DIS3L2: variants seen among roughly 807,000 people sequenced by gnomAD.
DIS3L2 encodes DIS3 like 3'-5' exoribonuclease 2, also known as DIS3-like exonuclease 2.
DIS3L2 carries 34 observed loss-of-function variants against 97.5 expected under a neutral mutation model. That is an observed-to-expected ratio of 0.35 (90% CI 0.27 to 0.46). The LOEUF (loss-of-function observed/expected upper bound fraction) is 0.46. DIS3L2 is among the 20% of genes least tolerant of loss of function. DIS3L2 has a pLI of 1.00. For missense variants in DIS3L2, 1,038 were observed against 1,146.0 expected, an observed-to-expected ratio of 0.91 and a Z score of 1.36; for synonymous variants, 435 against 445.2, an observed-to-expected ratio of 0.98 and a Z score of 0.29.
intron 16 of DIS3L2, among the ~76,000 whole-genome samples, chr2:232,333,153 C>G (rs1169565568): frequency 2.6e-5 from 3 of 117,576 alleles, no homozygotes; most frequent in Non-Finnish European, 5.2e-5. Flanking sequence ...TCCACCACCT[C>G]CTCCTTCTCC....
Position 232,336,982 on chromosome 2 carries a change from G to A in DIS3L2, c.*352G>A. On this transcript the variant is annotated 3_prime_UTR_variant, in exon 21 of 21. Coordinates refer to ENST00000325385, the MANE Select transcript of DIS3L2 (RefSeq NM_152383.5). The stretch of plus-strand genomic sequence containing the variant: ...AAAATCAAGTGTGGAGTGCCATCTG[G>A]TGTGTAGGGCGCCTCTGGGAAGCCT... The A allele has an allele frequency of 8.8e-7, 1 of 1,133,720 alleles. No individual in the cohort carries two copies. Among genetic ancestry groups the A allele is most frequent in the South Asian group, 2.0e-5 (1 of 49,338 alleles). The allele number at this position is 1,133,720 out of a possible 1,614,324, so 70.2% of individuals were successfully genotyped here.
intron 4 of DIS3L2, among the ~76,000 whole-genome samples, chr2:232,026,697 G>A (rs1694668928): frequency 6.6e-6 from 1 of 152,054 alleles, no homozygotes; most frequent in Admixed American, 6.6e-5. Flanking sequence ...AGGTCCTATG[G>A]TTCCTGCAAG....
chr2:232,202,355 G>C (rs150562754), intron 9 of DIS3L2, among the ~76,000 whole-genome samples: 1 of 152,070 alleles, frequency 6.6e-6, no homozygotes, highest in African/African-American at 2.4e-5. Flanking sequence ...CAGAGATTGC[G>C]CCACTGCACT....
intron 16 of DIS3L2, among the ~76,000 whole-genome samples, chr2:232,332,700 C>T (rs982558458): frequency 5.9e-5 from 9 of 152,156 alleles, no homozygotes; most frequent in African/African-American, 2.2e-4. Context: ...TGTGTCTCAG[C>T]CCCCGGGAGG....
intron 6 of DIS3L2, among the ~76,000 whole-genome samples, chr2:232,091,416 T>G (rs892197169): frequency 6.6e-6 from 1 of 152,326 alleles, no homozygotes; most frequent in Middle Eastern, 3.4e-3. Flanking sequence ...AAGTTTGTCT[T>G]TCTGTGCCTG....
intron 6 of DIS3L2, among the ~76,000 whole-genome samples, chr2:232,112,010 T>C (rs1697550868): frequency 6.6e-6 from 1 of 152,210 alleles, no homozygotes; most frequent in Non-Finnish European, 1.5e-5. Flanking sequence ...TCACCTTTGA[T>C]GTGTAAGTCA....
intron 5 of DIS3L2, among the ~76,000 whole-genome samples, chr2:232,033,120 A>G (rs1694856711): frequency 6.6e-6 from 1 of 152,206 alleles, no homozygotes; most frequent in Non-Finnish European, 1.5e-5. Context: ...ATCTATGAGC[A>G]TGGAATATTT....
At chr2:232,085,687 A>G (rs1424639002) in intron 5 of DIS3L2, among the ~76,000 whole-genome samples, 2 of 152,140 alleles carry the variant, frequency 1.3e-5, no homozygotes, top group Non-Finnish European at 2.9e-5. Context: ...TAGGGTCACA[A>G]TTTTTTTCAG....
chr2:232,191,070 A>G (rs1691607149), intron 9 of DIS3L2, among the ~76,000 whole-genome samples: 1 of 152,176 alleles, frequency 6.6e-6, no homozygotes, highest in Non-Finnish European at 1.5e-5. Flanking sequence ...AGTGGAGCGA[A>G]AGCCAGATTA....
rs756293168 is a variant in DIS3L2 at position 232,015,597 on chromosome 2, A to G, written c.136A>G (p.Lys46Glu). The G allele has an allele frequency of 6.2e-6, 10 of 1,614,120 alleles. No homozygotes were observed. The highest frequency in any genetic ancestry group is 8.5e-6 in the Non-Finnish European group (10 of 1,179,976). ...KSKNRSTRGK[K>E]KSIFETYMSK... Reference sequence around the variant, plus strand: ...AAAGAACAGGTCCACACGAGGGAAGAAAAAGAGCATATTTGAAACTTACAT... The same window carrying G: ...AAAGAACAGGTCCACACGAGGGAAGGAAAAGAGCATATTTGAAACTTACAT... Residue 46 changes from lysine to glutamate, a missense_variant, in exon 3 of 21, where the codon AAA (lysine) becomes GAA (glutamate). Lys to Glu is a moderately conservative substitution (Grantham distance 56). Transcript: ENST00000325385.
intron 6 of DIS3L2, among the ~76,000 whole-genome samples, chr2:232,116,661 A>G (rs1244080372): frequency 2.6e-5 from 4 of 152,178 alleles, no homozygotes; most frequent in African/African-American, 4.8e-5. Flanking sequence ...AGCCAAGCCT[A>G]TTGGCTAAAA....
intron 8 of DIS3L2, 92 bp from the exon 9 acceptor site, chr2:232,163,367 A>T: frequency 2.2e-6 from 3 of 1,362,700 alleles, no homozygotes; most frequent in Non-Finnish European, 3.0e-6. Context: ...GAGATTTTAA[A>T]CTTTCCCACT....
intron 17 of DIS3L2, 82 bp from the exon 18 acceptor site, chr2:232,334,287 A>C: frequency 6.7e-7 from 1 of 1,491,390 alleles, no homozygotes; most frequent in South Asian, 1.2e-5. Context: ...GCGGGGGTGC[A>C]GCGCCATGCA....
intron 9 of DIS3L2, among the ~76,000 whole-genome samples, chr2:232,169,635 A>T (rs1406366800): frequency 6.6e-6 from 1 of 152,102 alleles, no homozygotes; most frequent in Non-Finnish European, 1.5e-5. Context: ...AGACTCTAAG[A>T]TCCTTCTCTA....
At chr2:232,099,454 A>G (rs990287122) in intron 6 of DIS3L2, among the ~76,000 whole-genome samples, 1 of 152,074 alleles carries the variant, frequency 6.6e-6, no homozygotes, top group Non-Finnish European at 1.5e-5. Flanking sequence ...GCCTCAAGTG[A>G]TCTGCATACC....
intron 1 of DIS3L2, among the ~76,000 whole-genome samples, chr2:231,983,119 C>A (rs1351076988): frequency 6.6e-6 from 1 of 152,204 alleles, no homozygotes; most frequent in Non-Finnish European, 1.5e-5. Flanking sequence ...TTACATTCCT[C>A]TGCCTTTATT....
At chr2:232,061,180 C>T (rs1695693394) in intron 5 of DIS3L2, among the ~76,000 whole-genome samples, 1 of 152,176 alleles carries the variant, frequency 6.6e-6, no homozygotes. Flanking sequence ...ACTTCCCGAG[C>T]AACTTATTTA....
At chr2:232,320,051 C>G (rs1360326063) in intron 14 of DIS3L2, among the ~76,000 whole-genome samples, 1 of 152,146 alleles carries the variant, frequency 6.6e-6, no homozygotes, top group Non-Finnish European at 1.5e-5. Flanking sequence ...ACCCAGCAGT[C>G]TTATGGTTTT....
At chr2:232,258,440 C>T (rs1379339069) in intron 12 of DIS3L2, among the ~76,000 whole-genome samples, 5 of 151,834 alleles carry the variant, frequency 3.3e-5, no homozygotes, top group Admixed American at 6.6e-5. Context: ...GAAAATGAGC[C>T]GGGCATGGTG....
Sources: gnomAD v4.1 joint callset for allele counts (sites outside exome capture counted in the v4.1 genomes callset) on GRCh38, gnomAD v4.1.1 for gene constraint, MANE v1.5 for transcripts, NCBI Gene and HGNC (gene_info 2026-07-23, HGNC 2026-07-21) for gene names.